FAM151B: variants seen among roughly 807,000 people sequenced by gnomAD.
The protein encoded by FAM151B is family with sequence similarity 151 member B.
In FAM151B, 24 loss-of-function variants were observed where a neutral mutation model predicts 31.2. The ratio of observed to expected loss-of-function variants is 0.77; its 90% CI spans 0.56 to 1.08. FAM151B has a LOEUF of 1.08. Ranked by LOEUF, FAM151B falls within the 50% of genes least tolerant of loss-of-function variation. FAM151B has a pLI of 0.00. For missense variants in FAM151B, 293 were observed against 328.6 expected (o/e 0.89, Z 0.84); for synonymous variants, 105 against 111.4 (o/e 0.94, Z 0.36).
rs1304437732 is a variant in FAM151B at position 80,519,860 on chromosome 5, C to T, written c.485C>T (p.Thr162Met). ...DTVISFFPDV[T>M]FSLGWTTGWH... is the part of the protein sequence containing the mutation. Reference sequence around the variant, plus strand: ...GTGATATCCTTCTTTCCAGACGTGACGTTTTCCCTGGGTTGGACAACAGGA... The same window carrying T: ...GTGATATCCTTCTTTCCAGACGTGATGTTTTCCCTGGGTTGGACAACAGGA... Residue 162 changes from threonine to methionine, a missense_variant, in exon 4 of 6, where the codon ACG becomes ATG. Physicochemically the swap from Thr to Met is moderately conservative, Grantham distance 81 (BLOSUM62 -1). Transcript: ENST00000282226. The T allele has an allele frequency of 1.4e-5, 23 of 1,613,924 alleles. No individual in the cohort carries two copies. Among genetic ancestry groups the T allele is most frequent in the East Asian group, 1.3e-4 (6 of 44,880 alleles).
At chr5:80,505,097 A>G (rs1359726401) in intron 2 of FAM151B, among the ~76,000 whole-genome samples, 1 of 152,248 alleles carries the variant, frequency 6.6e-6, no homozygotes, top group African/African-American at 2.4e-5. Flanking sequence ...CTGTTTGGAT[A>G]GTACCTGGAC....
At chr5:80,505,310 T>G (rs1743910034) in intron 2 of FAM151B, among the ~76,000 whole-genome samples, 1 of 151,870 alleles carries the variant, frequency 6.6e-6, no homozygotes, top group South Asian at 2.1e-4. Context: ...ATTTTGTTAT[T>G]TTATGCTTTG....
intron 2 of FAM151B, among the ~76,000 whole-genome samples, chr5:80,505,616 G>C (rs902462034): frequency 6.6e-6 from 1 of 151,432 alleles, no homozygotes; most frequent in Non-Finnish European, 1.5e-5. Context: ...GGATGGTCTC[G>C]ATCTCCTGAC....
At chr5:80,529,064 C>G (rs202179605) in intron 5 of FAM151B, among the ~76,000 whole-genome samples, 4 of 152,220 alleles carry the variant, frequency 2.6e-5, no homozygotes, top group African/African-American at 4.8e-5. Flanking sequence ...AATCAAACTA[C>G]AACTCAGGAT....
chr5:80,538,372 T>TTTTCTTTCTTTCTTTC lies in FAM151B; in HGVS notation c.672-3239_672-3224dup, dbSNP rs1315996184. Among the ~76,000 whole-genome samples, 34 of 111,632 alleles carry TTTTCTTTCTTTCTTTC rather than the reference T, an allele frequency of 3.0e-4. 2 individuals carry two copies. Among genetic ancestry groups the TTTTCTTTCTTTCTTTC allele is most frequent in the Middle Eastern group, 0.01 (2 of 196 alleles). The allele number at this position is 111,632 out of a possible 152,430, so 73.2% of individuals were successfully genotyped here. A position where few individuals can be genotyped will look rare whatever the true frequency, so the allele number is the denominator to read the frequency against. On this transcript the variant is annotated intron_variant, in intron 5 of 5. Transcript: ENST00000282226. The stretch of plus-strand genomic sequence containing the variant: ...ATGAGCCACCGCACCCAGCCTTTCT[T>TTTTCTTTCTTTCTTTC]TTTCTTTCTTTCTTTCTTTCTTTCT...
At chr5:80,517,482 C>T (rs1744506144) in intron 3 of FAM151B, among the ~76,000 whole-genome samples, 1 of 152,102 alleles carries the variant, frequency 6.6e-6, no homozygotes, top group Non-Finnish European at 1.5e-5. Flanking sequence ...AGAATTACTT[C>T]GTCAAGTTTT....
At chr5:80,499,487 T>C (rs1220255500) in intron 1 of FAM151B, among the ~76,000 whole-genome samples, 1 of 152,144 alleles carries the variant, frequency 6.6e-6, no homozygotes, top group Non-Finnish European at 1.5e-5. Flanking sequence ...ATTGTTAATA[T>C]AAATATAGAA....
At chr5:80,538,970 CT>C (rs928482931) in intron 5 of FAM151B, among the ~76,000 whole-genome samples, 5 of 137,922 alleles carry the variant, frequency 3.6e-5, no homozygotes, top group East Asian at 2.1e-4. Context: ...CTTTTCTTTG[CT>C]TTTTTTTTCT....
intron 5 of FAM151B, among the ~76,000 whole-genome samples, chr5:80,530,185 G>A (rs375175287): frequency 2.6e-5 from 4 of 152,042 alleles, no homozygotes; most frequent in African/African-American, 9.7e-5. Context: ...AAATTCAACA[G>A]CCCTTCATGC....
At chr5:80,531,768 AAC>A (rs1745254614) in intron 5 of FAM151B, among the ~76,000 whole-genome samples, 2 of 152,204 alleles carry the variant, frequency 1.3e-5, no homozygotes, top group African/African-American at 2.4e-5. Context: ...GAGAAATAGA[AAC>A]ACTTTTACAC....
intron 5 of FAM151B, among the ~76,000 whole-genome samples, chr5:80,536,941 T>TA (rs1408743065): frequency 1.3e-5 from 2 of 152,084 alleles, no homozygotes; most frequent in Admixed American, 6.5e-5. Context: ...TGTGAATGGC[T>TA]AATAAGTATG....
At chr5:80,520,967 C>G (rs1422284752) in intron 4 of FAM151B, among the ~76,000 whole-genome samples, 12 of 150,478 alleles carry the variant, frequency 8.0e-5, no homozygotes, top group Non-Finnish European at 1.3e-4. Context: ...CAGGCGCCAC[C>G]ACGCCCAGCT....
At chr5:80,491,674 T>C (rs1743341167) in intron 1 of FAM151B, among the ~76,000 whole-genome samples, 1 of 152,188 alleles carries the variant, frequency 6.6e-6, no homozygotes, top group Non-Finnish European at 1.5e-5. Flanking sequence ...TATTCTGCTT[T>C]CTACTCCTAG....
chr5:80,509,529 T>C (rs1744106182), intron 2 of FAM151B, among the ~76,000 whole-genome samples: 1 of 152,180 alleles, frequency 6.6e-6, no homozygotes, highest in South Asian at 2.1e-4. Context: ...ACCCAGTCTG[T>C]GTTATTCTGT....
chr5:80,500,678 A>T, intron 1 of FAM151B: 1 of 782,258 alleles, frequency 1.3e-6, no homozygotes, highest in Non-Finnish European at 2.3e-6. Context: ...CCTTCATCAA[A>T]TCTTCAGTGG....
At chr5:80,499,358 T>C (rs1270473497) in intron 1 of FAM151B, among the ~76,000 whole-genome samples, 1 of 152,206 alleles carries the variant, frequency 6.6e-6, no homozygotes, top group Non-Finnish European at 1.5e-5. Flanking sequence ...TTATGTATAT[T>C]GCACACGCTA....
chr5:80,488,131 C>A lies in FAM151B; in HGVS notation c.8C>A (p.Ala3Glu). Reference sequence around the variant, plus strand: ...ACGGCGGGCGTCGTCACCATGGCAGCATCCGCTGGAGGCCCAGGTAAGCGC... The same window carrying A: ...ACGGCGGGCGTCGTCACCATGGCAGAATCCGCTGGAGGCCCAGGTAAGCGC... MA[A>E]SAGGPGSWSE... is the part of the protein sequence containing the mutation. The change falls in exon 1 of 6, where the codon GCA becomes GAA. Residue 3 changes from alanine (A) to glutamate (E), a missense_variant. By Grantham distance (107) the Ala-to-Glu change is moderately radical. Coordinates refer to ENST00000282226, the MANE Select transcript of FAM151B (RefSeq NM_205548.3). 6.5e-7 allele frequency: 1 copy of A among 1,543,300 alleles called. No individual in the cohort carries two copies. The highest frequency in any genetic ancestry group is 8.7e-7 in the Non-Finnish European group (1 of 1,147,560).
intron 2 of FAM151B, among the ~76,000 whole-genome samples, chr5:80,506,365 C>T (rs564310349): frequency 3.9e-5 from 6 of 152,244 alleles, no homozygotes; most frequent in South Asian, 2.1e-4. Flanking sequence ...ACGATGAAGA[C>T]GACACCAAGG....
chr5:80,538,884 C>G (rs1745732236), intron 5 of FAM151B, among the ~76,000 whole-genome samples: 1 of 152,062 alleles, frequency 6.6e-6, no homozygotes. Context: ...AGGCGTGGGC[C>G]ACCGTGTCTG....
Sources: gnomAD v4.1 joint callset for allele counts (sites outside exome capture counted in the v4.1 genomes callset) on GRCh38, gnomAD v4.1.1 for gene constraint, MANE v1.5 for transcripts, NCBI Gene and HGNC (gene_info 2026-07-23, HGNC 2026-07-21) for gene names.